Variants in MGA observed in about 807,000 individuals in gnomAD.
MGA encodes the protein MAX dimerization protein MGA.
In MGA, 40 loss-of-function variants were observed where a neutral mutation model predicts 261.1. The ratio of observed to expected loss-of-function variants is 0.15; its 90% CI spans 0.12 to 0.20. The LOEUF (loss-of-function observed/expected upper bound fraction) is 0.20, where lower values mean the gene tolerates loss of function less well. Ranked by LOEUF, MGA falls within the 10% of genes least tolerant of loss-of-function variation. The pLI, the probability that MGA is intolerant of heterozygous loss-of-function variation, is 1.00. For missense variants in MGA, 3,397 were observed against 3,630.5 expected, an observed-to-expected ratio of 0.94 and a Z score of 1.65; for synonymous variants, 1,302 against 1,290.6, an observed-to-expected ratio of 1.01 and a Z score of -0.19.
chr15:41,715,117 T>G (rs1354545138), intron 9 of MGA, among the ~76,000 whole-genome samples: 1 of 150,432 alleles, frequency 6.6e-6, no homozygotes, highest in Non-Finnish European at 1.5e-5. Flanking sequence ...TTGGCAGTCT[T>G]TTCTTTTTAT....
chr15:41,635,456 T>C (rs2056681012), intron 1 of MGA, among the ~76,000 whole-genome samples: 1 of 151,926 alleles, frequency 6.6e-6, no homozygotes, highest in Non-Finnish European at 1.5e-5. Flanking sequence ...ACGCCAGTAA[T>C]CCCAGCACTT....
chr15:41,735,727 C>T (rs1041731518), intron 12 of MGA, among the ~76,000 whole-genome samples: 5 of 149,232 alleles, frequency 3.4e-5, no homozygotes, highest in Non-Finnish European at 5.9e-5. Flanking sequence ...AGCTAGACTC[C>T]GTCTCAAAAA....
At chr15:41,745,281 T>TA (rs71108126) in intron 15 of MGA, among the ~76,000 whole-genome samples, 420 of 33,222 alleles carry the variant, frequency 0.013, 18 homozygotes, top group African/African-American at 0.024. Context: ...GAATGATCAA[T>TA]AAAAAAAAAA....
chr15:41,698,163 C>T (rs1326195033), intron 3 of MGA, among the ~76,000 whole-genome samples: 2 of 139,962 alleles, frequency 1.4e-5, no homozygotes, highest in African/African-American at 5.1e-5. Flanking sequence ...AGCCACTGCC[C>T]CTGGCCTCTT....
intron 17 of MGA, among the ~76,000 whole-genome samples, chr15:41,753,561 A>G (rs1224068459): frequency 1.3e-5 from 2 of 152,142 alleles, no homozygotes; most frequent in Non-Finnish European, 2.9e-5. Flanking sequence ...TAATAAGGAA[A>G]TACAGCAATC....
At chr15:41,733,922 C>CTTTTT (rs143496306) in intron 11 of MGA, among the ~76,000 whole-genome samples, 29,389 of 145,062 alleles carry the variant, frequency 0.2, 3,723 homozygotes, top group East Asian at 0.68. Flanking sequence ...TTGTTTCTTT[C>CTTTTT]TTTTTTTTTT....
chr15:41,761,900 A>G, intron 21 of MGA, 50 bp downstream of exon 21: 1 of 1,344,768 alleles, frequency 7.4e-7, no homozygotes, highest in Non-Finnish European at 1.0e-6. Context: ...TAGCTTTATC[A>G]AGAAGAAATC....
At chr15:41,651,799 CCCCCCCT>C (rs2150720541) in intron 1 of MGA, among the ~76,000 whole-genome samples, 3 of 11,928 alleles carry the variant, frequency 2.5e-4, no homozygotes, top group East Asian at 5.2e-3. Flanking sequence ...CTCTCCTCTC[CCCCCCCT>C]CTTCCTTTCC....
At chr15:41,674,495 G>C (rs117636341) in intron 2 of MGA, among the ~76,000 whole-genome samples, 1,918 of 152,072 alleles carry the variant, frequency 0.013, 21 homozygotes, top group Non-Finnish European at 0.019. Context: ...ACTATGCCCA[G>C]CTTAATAGTG....
intron 5 of MGA, among the ~76,000 whole-genome samples, chr15:41,705,093 A>G (rs540901899): frequency 1.3e-5 from 2 of 152,290 alleles, no homozygotes; most frequent in South Asian, 2.1e-4. Context: ...TATTCAGCCA[A>G]ATTATTTTCT....
intron 9 of MGA, among the ~76,000 whole-genome samples, chr15:41,724,056 C>T (rs1307809950): frequency 6.6e-6 from 1 of 151,254 alleles, no homozygotes; most frequent in Non-Finnish European, 1.5e-5. Flanking sequence ...TAGTATAATG[C>T]TTAGTTTATG....
At position 41,742,718 on chromosome 15, in the gene MGA, A is replaced by C. The variant is rs1433942628; in HGVS notation, c.4758A>C (p.Pro1586=). The C allele has an allele frequency of 3.1e-6, 5 of 1,613,898 alleles. No individual in the cohort carries two copies. In the African/African-American group the frequency reaches 5.3e-5, roughly 17 times the overall value. The change falls in exon 15 of 24, where the codon CCA becomes CCC. Residue 1586 remains proline (P), a synonymous_variant. Coordinates refer to ENST00000219905, the MANE Select transcript of MGA (RefSeq NM_001164273.2). The stretch of plus-strand genomic sequence containing the variant: ...TCACACCTGTGGTTTCTTCTGAGCC[A>C]GTTCAGGTGTGCAGCCCTGTGACTG...
At position 41,669,782 on chromosome 15, in the gene MGA, A is replaced by G; in HGVS notation, c.888A>G (p.Glu296=). The G allele has an allele frequency of 6.2e-7, 1 of 1,614,012 alleles. No individual in the cohort carries two copies. Among genetic ancestry groups the G allele is most frequent in the Non-Finnish European group, 8.5e-7 (1 of 1,179,874 alleles). ...CTGGTCATCGGGTCCGTCTTACAGA[A>G]GGTCAGGGGTCAGAGATACAACCAG... The change falls in exon 2 of 24, where the codon GAA becomes GAG. Residue 296 remains glutamate (E), a synonymous_variant. Coordinates refer to ENST00000219905, the MANE Select transcript of MGA (RefSeq NM_001164273.2).
At chr15:41,714,827 A>G (rs555582282) in intron 9 of MGA, among the ~76,000 whole-genome samples, 20 of 152,242 alleles carry the variant, frequency 1.3e-4, no homozygotes, top group African/African-American at 4.3e-4. Flanking sequence ...ATATTTTACA[A>G]CTTTTAAAAC....
chr15:41,727,416 G>A lies in MGA; in HGVS notation c.3657+10G>A, dbSNP rs751981423. 1.9e-6 allele frequency: 3 copies of A among 1,602,016 alleles called. No individual in the cohort carries two copies. In the East Asian group the frequency reaches 6.7e-5, roughly 36 times the overall value. Reference sequence around the variant, plus strand: ...CAAACCCAATCCTGTGGTAAGTCTGGAATTTAATCTTTTATTACAAGTTAC... The same window carrying A: ...CAAACCCAATCCTGTGGTAAGTCTGAAATTTAATCTTTTATTACAAGTTAC... On this transcript the variant is annotated intron_variant, in intron 10 of 23. Coordinates refer to ENST00000219905, the MANE Select transcript of MGA (RefSeq NM_001164273.2).
chr15:41,638,795 A>G (rs906292004), intron 1 of MGA, among the ~76,000 whole-genome samples: 3 of 144,822 alleles, frequency 2.1e-5, no homozygotes, highest in African/African-American at 7.8e-5. Context: ...AGTTTGAGTG[A>G]TTCTCCTACC....
chr15:41,664,144 C>T (rs759174603), intron 1 of MGA, among the ~76,000 whole-genome samples: 1 of 152,160 alleles, frequency 6.6e-6, no homozygotes, highest in Non-Finnish European at 1.5e-5. Flanking sequence ...AAAAACCGGC[C>T]TTATACAAAT....
At chr15:41,717,689 T>G (rs976826440) in intron 9 of MGA, among the ~76,000 whole-genome samples, 1 of 152,190 alleles carries the variant, frequency 6.6e-6, no homozygotes, top group Non-Finnish European at 1.5e-5. Flanking sequence ...TATAAAACAT[T>G]AAAGACTAAA....
At chr15:41,753,547 G>C (rs2062973657) in intron 17 of MGA, among the ~76,000 whole-genome samples, 1 of 151,774 alleles carries the variant, frequency 6.6e-6, no homozygotes, top group South Asian at 2.1e-4. Flanking sequence ...CTCCTTTTTT[G>C]GTATAATAAG....
Sources: allele counts gnomAD v4.1 joint callset (sites outside exome capture counted in the v4.1 genomes callset), GRCh38; gene constraint gnomAD v4.1.1; transcripts MANE v1.5; gene names NCBI Gene and HGNC (gene_info 2026-07-23, HGNC 2026-07-21).